Variants in LGALS8 observed in about 807,000 individuals in gnomAD.
LGALS8 encodes the protein galectin-8.
In LGALS8, 30 loss-of-function variants were observed where a neutral mutation model predicts 35.9. That is an observed-to-expected ratio of 0.83 (90% confidence interval 0.62 to 1.13). LGALS8 has a LOEUF of 1.13. Ranked by LOEUF, LGALS8 falls within the 50% of genes most tolerant of loss-of-function variation. The pLI is 0.00. For missense variants in LGALS8, 366 were observed against 388.7 expected (o/e 0.94, Z 0.49); for synonymous variants, 138 against 136.1 (o/e 1.01, Z -0.10).
chr1:236,531,547 G>A (rs1661148472), intron 2 of LGALS8, among the ~76,000 whole-genome samples: 1 of 151,996 alleles, frequency 6.6e-6, no homozygotes, highest in South Asian at 2.1e-4. Flanking sequence ...GGATGGTCTC[G>A]ATCTCCTGAC....
At chr1:236,518,963 C>T (rs1321110822), upstream of LGALS8, among the ~76,000 whole-genome samples, 1 of 152,124 alleles carries the variant, frequency 6.6e-6, no homozygotes, top group East Asian at 1.9e-4. Flanking sequence ...TAGAATATGG[C>T]ATCTATTTCT....
intron 9 of LGALS8, among the ~76,000 whole-genome samples, chr1:236,546,208 G>A (rs2298096): frequency 0.12 from 18,005 of 152,268 alleles, 1,476 homozygotes; most frequent in African/African-American, 0.2. Flanking sequence ...GACAGTGAAA[G>A]GGATGGCTGG....
chr1:236,547,777 TG>T (rs1662472281), intron 9 of LGALS8, among the ~76,000 whole-genome samples: 1 of 152,080 alleles, frequency 6.6e-6, no homozygotes, highest in Non-Finnish European at 1.5e-5. Flanking sequence ...CTGGGGATGG[TG>T]TGAGGCTCCA....
chr1:236,528,355 C>T (rs1660937411), intron 2 of LGALS8, among the ~76,000 whole-genome samples: 1 of 146,398 alleles, frequency 6.8e-6, no homozygotes, highest in Non-Finnish European at 1.5e-5. Flanking sequence ...GCACTCCAGC[C>T]TGGGTGACAG....
At chr1:236,544,723 T>G (rs1177898245) in intron 8 of LGALS8, 27 bp from the exon 9 acceptor site, 1 of 150,038 alleles carries the variant, frequency 6.7e-6, no homozygotes, top group South Asian at 5.8e-5. Flanking sequence ...TTAATTAAGG[T>G]TTTTTTTTTT....
At position 236,534,234 on chromosome 1, in the gene LGALS8, G is replaced by GT. The variant is rs1661325405; in HGVS notation, c.46-3262dup. Among the ~76,000 whole-genome samples, 11 of 152,298 alleles carry GT rather than the reference G, an allele frequency of 7.2e-5. No individual in the cohort carries two copies. The South Asian group carries it at 2.3e-3, about 32-fold the overall frequency. On this transcript the variant is annotated intron_variant, in intron 2 of 9. Coordinates refer to ENST00000366584, the MANE Select transcript of LGALS8 (RefSeq NM_201544.4). ...TACCAATTTTCAGCAGCCAAATAGA[G>GT]TATCACATTTTCACTCCATGTTTCC...
At chr1:236,541,594 A>AACAGGTT in intron 5 of LGALS8, 60 bp from the exon 6 acceptor site, 2 of 107,740 alleles carry the variant, frequency 1.9e-5, no homozygotes, top group Non-Finnish European at 4.0e-5. Flanking sequence ...GTCAATATAA[A>AACAGGTT]ATATTTAGAA....
At chr1:236,518,319 A>AG (rs1414025622) in intron 1 of LGALS8, 3 of 152,086 alleles carry the variant, frequency 2.0e-5, no homozygotes, top group Non-Finnish European at 4.4e-5. Context: ...GGGGGTCTGG[A>AG]GGGTGAAAAA....
chr1:236,536,824 G>C (rs1308156292), intron 2 of LGALS8: 1 of 152,076 alleles, frequency 6.6e-6, no homozygotes, highest in Non-Finnish European at 1.5e-5. Flanking sequence ...GTAGGAAAAG[G>C]AATGAGTAGA....
chr1:236,550,956 C>G lies in LGALS8; in HGVS notation c.*2795C>G. 1 of 1,521,574 alleles carries G rather than the reference C, an allele frequency of 6.6e-7. No homozygotes were observed. The highest frequency in any genetic ancestry group is 1.4e-5 in the African/African-American group (1 of 71,478). The allele number at this position is 1,521,574 out of a possible 1,614,324, so 94.3% of individuals were successfully genotyped here. A position where few individuals can be genotyped will look rare whatever the true frequency, so the allele number is the denominator to read the frequency against. The stretch of plus-strand genomic sequence containing the variant: ...GGACAGTTTCCAGTTGCTGAATAGT[C>G]TTTTGGCACTGATGTTCTACTTCTT... On this transcript the variant is annotated 3_prime_UTR_variant, in exon 10 of 10. Coordinates refer to ENST00000366584, the MANE Select transcript of LGALS8 (RefSeq NM_201544.4).
At chr1:236,524,633 C>T (rs1335970190) in intron 1 of LGALS8, 2 of 354,024 alleles carry the variant, frequency 5.6e-6, no homozygotes, top group East Asian at 7.5e-5. Context: ...GTGATGCATA[C>T]GAAGTGTTCA....
chr1:236,536,158 C>G (rs1240945814), intron 2 of LGALS8: 2 of 152,208 alleles, frequency 1.3e-5, no homozygotes, highest in Non-Finnish European at 2.9e-5. Flanking sequence ...TTAGGAGCCA[C>G]CAATTTATAA....
Position 236,527,158 on chromosome 1 carries a change from G to A in LGALS8, c.45+1043G>A, listed in dbSNP as rs1409081146. ...AACAACAAACTAGGCTGCCTGCCAC[G>A]GGTGTCTGAAGTATCATCTTGGCTC... On this transcript the variant is annotated intron_variant, in intron 2 of 9. Coordinates refer to ENST00000366584, the MANE Select transcript of LGALS8 (RefSeq NM_201544.4). Among the ~76,000 whole-genome samples, 9 of 152,106 alleles carry A rather than the reference G, an allele frequency of 5.9e-5. No homozygotes were observed. In the South Asian group the frequency reaches 1.2e-3, roughly 21 times the overall value.
intron 8 of LGALS8, among the ~76,000 whole-genome samples, chr1:236,544,539 T>C (rs74456229): frequency 1.3e-5 from 2 of 152,136 alleles, no homozygotes; most frequent in East Asian, 3.9e-4. Flanking sequence ...GGGTTTTTTT[T>C]TTCGTATTTT....
At chr1:236,518,665 TATC>T (rs1660469120), upstream of LGALS8, among the ~76,000 whole-genome samples, 1 of 152,212 alleles carries the variant, frequency 6.6e-6, no homozygotes, top group African/African-American at 2.4e-5. Context: ...TATTTTTTTT[TATC>T]ATTATTGTCA....
intron 5 of LGALS8, 52 bp from the exon 6 acceptor site, chr1:236,541,602 G>T (rs1558165399): frequency 3.7e-6 from 2 of 546,940 alleles, no homozygotes; most frequent in Non-Finnish European, 6.1e-6. Context: ...AAAATATTTA[G>T]AAAATATTTT....
chr1:236,533,005 G>A (rs149409815), intron 2 of LGALS8, among the ~76,000 whole-genome samples: 40 of 152,210 alleles, frequency 2.6e-4, no homozygotes, highest in African/African-American at 7.5e-4. Flanking sequence ...ATCGTTTCAC[G>A]CCAGGCTTAT....
At position 236,551,101 on chromosome 1, in the gene LGALS8, A is replaced by G; in HGVS notation, c.*2940A>G. The G allele has an allele frequency of 1.2e-6, 1 of 833,310 alleles. No homozygotes were observed. Among genetic ancestry groups the G allele is most frequent in the Non-Finnish European group, 1.8e-6 (1 of 550,718 alleles). 51.6% of individuals were successfully genotyped at this position (833,310 alleles called of 1,614,324 possible). A position where few individuals can be genotyped will look rare whatever the true frequency, so the allele number is the denominator to read the frequency against. On this transcript the variant is annotated 3_prime_UTR_variant, in exon 10 of 10. Coordinates refer to ENST00000366584, the MANE Select transcript of LGALS8 (RefSeq NM_201544.4). ...CACTTTCCGGCAATCATTCAATCAAAAGAGTGAAATGAAGCACATTAACAA... is the reference window on the plus strand; with the variant it reads ...CACTTTCCGGCAATCATTCAATCAAGAGAGTGAAATGAAGCACATTAACAA...
chr1:236,548,072 G>C lies in LGALS8; in HGVS notation c.865G>C (p.Glu289Gln), dbSNP rs558536606. The C allele has an allele frequency of 6.8e-6, 11 of 1,613,522 alleles. No homozygotes were observed. Among genetic ancestry groups the C allele is most frequent in the African/African-American group, 5.3e-5 (4 of 75,040 alleles). Reference protein sequence around the residue: ...KVAVNGVHSLEYKHRFKELSS... With the variant: ...KVAVNGVHSLQYKHRFKELSS... ...TGCAGTAAATGGCGTACACAGCCTG[G>C]AGTACAAACACAGATTTAAAGAGCT... The change falls in exon 10 of 10, where the codon GAG becomes CAG. Residue 289 changes from glutamate (E) to glutamine (Q), a missense_variant. Glu to Gln is a conservative substitution (Grantham distance 29). Coordinates refer to ENST00000366584, the MANE Select transcript of LGALS8 (RefSeq NM_201544.4).
Sources: allele counts gnomAD v4.1 joint callset (sites outside exome capture counted in the v4.1 genomes callset), GRCh38; gene constraint gnomAD v4.1.1; transcripts MANE v1.5; gene names NCBI Gene and HGNC (gene_info 2026-07-23, HGNC 2026-07-21).